The following RBM41 variants were observed in gnomAD, a reference collection of about 807,000 sequenced individuals.
RBM41 encodes RNA binding motif protein 41.
RBM41 carries 14 observed loss-of-function variants against 30.8 expected under a neutral mutation model. That is an observed-to-expected ratio of 0.45 (90% CI 0.30 to 0.71). RBM41 has a LOEUF of 0.71. Ranked by LOEUF, RBM41 falls within the 30% of genes least tolerant of loss-of-function variation. The pLI, the probability that RBM41 is intolerant of heterozygous loss-of-function variation, is 0.08. For synonymous variants in RBM41, 120 were observed against 110.1 expected (o/e 1.09, Z -0.56); for missense variants, 276 against 326.3 (o/e 0.85, Z 1.19).
chrX:107,116,523 C>T, intron 2 of RBM41, 127 bp downstream of exon 2: 1 of 1,034,654 alleles, frequency 9.7e-7, no homozygotes, highest in East Asian at 3.1e-5. Flanking sequence ...TAAAACCCTA[C>T]CTAATACATT....
chrX:107,056,891 TG>T (rs1233370842), downstream of RBM41, among the ~76,000 whole-genome samples: 3 of 89,993 alleles, frequency 3.3e-5, no homozygotes, highest in Non-Finnish European at 6.4e-5. Flanking sequence ...TTTTTTTTTT[TG>T]GGGGGGGCGA....
At chrX:107,067,826 T>A in intron 7 of RBM41, 133 bp from the exon 8 acceptor site, 1 of 746,912 alleles carries the variant, frequency 1.3e-6, no homozygotes, top group Non-Finnish European at 1.8e-6. Flanking sequence ...ATTTGATCAT[T>A]TTTTCTATAA....
At chrX:107,071,590 A>T (rs868138259) in intron 6 of RBM41, among the ~76,000 whole-genome samples, 1 of 112,209 alleles carries the variant, frequency 8.9e-6, no homozygotes, top group Non-Finnish European at 1.9e-5. Context: ...GGATGCAAGG[A>T]TGATTCAACA....
Position 107,063,634 on chromosome X carries a change from T to A in RBM41, c.*3893A>T, listed in dbSNP as rs906205219. Among the ~76,000 whole-genome samples, 1 of 112,002 alleles carries A rather than the reference T, an allele frequency of 8.9e-6. No homozygotes were observed. Among genetic ancestry groups the A allele is most frequent in the Non-Finnish European group, 1.9e-5 (1 of 53,209 alleles). On this transcript the variant is annotated 3_prime_UTR_variant, in exon 8 of 8. Coordinates refer to ENST00000685964, the MANE Select transcript of RBM41 (RefSeq NM_001324242.2). ...TCATTGATAATTTATTGACATAAAATTATTCATAATATGCCTTCATAATCT... is the reference window on the plus strand; with the variant it reads ...TCATTGATAATTTATTGACATAAAAATATTCATAATATGCCTTCATAATCT...
At chrX:107,095,202 T>G (rs1387767601) in intron 5 of RBM41, among the ~76,000 whole-genome samples, 1 of 109,185 alleles carries the variant, frequency 9.2e-6, no homozygotes, top group Admixed American at 9.8e-5. Flanking sequence ...GTGTCTTTAT[T>G]CACAGGAAAT....
At chrX:107,105,156 C>T (rs1211098597) in intron 5 of RBM41, among the ~76,000 whole-genome samples, 1 of 111,638 alleles carries the variant, frequency 9.0e-6, no homozygotes, top group Non-Finnish European at 1.9e-5. Context: ...AGCTGATAGG[C>T]AATTTCAGCA....
downstream of RBM41, among the ~76,000 whole-genome samples, chrX:107,058,632 C>T (rs1018991161): frequency 8.1e-5 from 9 of 111,561 alleles, no homozygotes; most frequent in Non-Finnish European, 1.7e-4. Flanking sequence ...TATACTGTTC[C>T]GTAAGTGGAG....
Position 107,088,807 on chromosome X carries a change from T to C in RBM41, c.628A>G (p.Met210Val), listed in dbSNP as rs891474572. ...TGGTAAAAACTTTCCAGGTTGTTCA[T>C]GGGATCACCTTTGTTCTTCTTTTGG... Reference protein sequence around the residue: ...EPQKKNKGDPMNNLESFYQEM... With the variant: ...EPQKKNKGDPVNNLESFYQEM... Residue 210 changes from methionine to valine, a missense_variant, in exon 6 of 8, where the codon ATG becomes GTG. Physicochemically the swap from Met to Val is conservative, Grantham distance 21. Coordinates refer to ENST00000685964, the MANE Select transcript of RBM41 (RefSeq NM_001324242.2). 2.5e-6 allele frequency: 3 copies of C among 1,209,332 alleles called. No individual in the cohort carries two copies. The highest frequency in any genetic ancestry group is 3.4e-6 in the Non-Finnish European group (3 of 894,168).
intron 5 of RBM41, among the ~76,000 whole-genome samples, chrX:107,099,913 G>A (rs1923308821): frequency 9.0e-6 from 1 of 111,727 alleles, no homozygotes; most frequent in African/African-American, 3.3e-5. Context: ...TTTGTTCTTA[G>A]GAGATACACA....
chrX:107,072,992 TCA>T (rs1936117200), intron 6 of RBM41, among the ~76,000 whole-genome samples: 2 of 109,591 alleles, frequency 1.8e-5, no homozygotes, highest in African/African-American at 6.7e-5. Flanking sequence ...AAAAATCAAC[TCA>T]AAACAGATCA....
intron 4 of RBM41, among the ~76,000 whole-genome samples, chrX:107,113,918 T>C (rs1304510323): frequency 9.0e-6 from 1 of 111,727 alleles, no homozygotes; most frequent in Admixed American, 9.5e-5. Flanking sequence ...GTTCTATATA[T>C]CTAGTTCTGA....
chrX:107,087,614 T>C (rs1197986777), intron 6 of RBM41, among the ~76,000 whole-genome samples: 1 of 110,452 alleles, frequency 9.1e-6, no homozygotes, highest in African/African-American at 3.3e-5. Context: ...TATTGGACAA[T>C]TTTTTTTGAG....
At chrX:107,074,963 T>C (rs907634249) in intron 6 of RBM41, among the ~76,000 whole-genome samples, 5 of 111,659 alleles carry the variant, frequency 4.5e-5, no homozygotes, top group Non-Finnish European at 9.4e-5. Context: ...ACAACAATCT[T>C]GGGAAAGAAC....
intron 6 of RBM41, among the ~76,000 whole-genome samples, chrX:107,078,501 C>A (rs1007007706): frequency 5.4e-5 from 6 of 111,971 alleles, no homozygotes; most frequent in Non-Finnish European, 9.4e-5. Flanking sequence ...TAGTTTGTTG[C>A]ACAAATTGTT....
chrX:107,065,611 G>A lies in RBM41; in HGVS notation c.*1916C>T. The stretch of plus-strand genomic sequence containing the variant: ...ATTTTACATCTTTAAAAGAAGCTGA[G>A]AGAAGAGTAAGTATATGTTTATAGT... On this transcript the variant is annotated 3_prime_UTR_variant, in exon 8 of 8. Transcript: ENST00000685964. 2.1e-6 allele frequency: 1 copy of A among 476,436 alleles called. No homozygotes were observed. 39.3% of individuals were successfully genotyped at this position (476,436 alleles called of 1,213,427 possible).
chrX:107,068,164 C>T (rs1935912554), intron 7 of RBM41, among the ~76,000 whole-genome samples: 1 of 110,476 alleles, frequency 9.1e-6, no homozygotes, highest in African/African-American at 3.3e-5. Context: ...AGTATAAGAA[C>T]ACTTGTAGGC....
chrX:107,059,746 TAATA>T (rs903901864), downstream of RBM41, among the ~76,000 whole-genome samples: 1 of 111,773 alleles, frequency 8.9e-6, no homozygotes, highest in African/African-American at 3.2e-5. Context: ...CTTAAAATTT[TAATA>T]GATAATGCCA....
At chrX:107,102,409 C>T (rs1019382283) in intron 5 of RBM41, among the ~76,000 whole-genome samples, 1 of 111,525 alleles carries the variant, frequency 9.0e-6, no homozygotes, top group African/African-American at 3.3e-5. Context: ...AGATAGCGTG[C>T]TCTGGAAACA....
chrX:107,071,735 TAGA>T (rs1321907809), intron 6 of RBM41, among the ~76,000 whole-genome samples: 1 of 111,482 alleles, frequency 9.0e-6, no homozygotes, highest in Non-Finnish European at 1.9e-5. Flanking sequence ...CAACTACTAA[TAGA>T]AGGAATTTAC....
Sources: allele counts gnomAD v4.1 joint callset (sites outside exome capture counted in the v4.1 genomes callset), GRCh38; gene constraint gnomAD v4.1.1; transcripts MANE v1.5; gene names NCBI Gene and HGNC (gene_info 2026-07-23, HGNC 2026-07-21).